The following PTPRG variants were observed in gnomAD, a reference collection of about 807,000 sequenced individuals.
The protein encoded by PTPRG is receptor-type tyrosine-protein phosphatase gamma.
PTPRG carries 102 observed loss-of-function variants against 165.3 expected under a neutral mutation model. The ratio of observed to expected loss-of-function variants is 0.62; its 90% CI spans 0.53 to 0.73. The LOEUF is 0.73. Among genes scored for constraint, PTPRG ranks in the 30% least tolerant of loss-of-function variants. The pLI is 0.00. For missense variants in PTPRG, 1,866 were observed against 1,861.4 expected (o/e 1.00, Z -0.05); for synonymous variants, 675 against 669.5 (o/e 1.01, Z -0.13).
intron 2 of PTPRG, among the ~76,000 whole-genome samples, chr3:61,894,015 G>A (rs62243228): frequency 0.01 from 1,585 of 152,088 alleles, 18 homozygotes; most frequent in South Asian, 0.03. Flanking sequence ...CTGGCACTAA[G>A]TTTACAGGCT....
At chr3:61,919,788 T>C (rs1475990309) in intron 2 of PTPRG, among the ~76,000 whole-genome samples, 1 of 152,198 alleles carries the variant, frequency 6.6e-6, no homozygotes, top group African/African-American at 2.4e-5. Context: ...ATAAAAAAGT[T>C]TCTGGAATTG....
intron 2 of PTPRG, among the ~76,000 whole-genome samples, chr3:61,777,608 G>A (rs1359002804): frequency 1.3e-5 from 2 of 152,086 alleles, no homozygotes; most frequent in South Asian, 2.1e-4. Flanking sequence ...GCAGGGAATC[G>A]GAGACATTTA....
At chr3:61,585,569 AC>A (rs1700416476) in intron 1 of PTPRG, among the ~76,000 whole-genome samples, 1 of 151,952 alleles carries the variant, frequency 6.6e-6, no homozygotes, top group South Asian at 2.1e-4. Context: ...ACATGGCAAA[AC>A]CCTGTCTCTA....
At chr3:61,671,329 G>A (rs538265336) in intron 1 of PTPRG, among the ~76,000 whole-genome samples, 2 of 151,834 alleles carry the variant, frequency 1.3e-5, no homozygotes, top group African/African-American at 2.4e-5. Context: ...AGACTAGGGA[G>A]TGGTGATGAC....
chr3:61,930,661 G>A (rs2039336310), intron 2 of PTPRG, among the ~76,000 whole-genome samples: 5 of 152,284 alleles, frequency 3.3e-5, no homozygotes, highest in South Asian at 2.1e-4. Context: ...GTGGAGTCAA[G>A]CGTCATTGTG....
intron 2 of PTPRG, chr3:61,753,572 T>C (rs2106934952): frequency 2.3e-6 from 1 of 437,752 alleles, no homozygotes; most frequent in African/African-American, 2.1e-5. Flanking sequence ...TAACTTCAAG[T>C]AGAAATTTGA....
chr3:62,027,804 A>G (rs1490883493), intron 4 of PTPRG, among the ~76,000 whole-genome samples: 1 of 152,206 alleles, frequency 6.6e-6, no homozygotes, highest in Non-Finnish European at 1.5e-5. Context: ...ATGATCACCC[A>G]GGAAATGTGT....
At chr3:61,624,933 C>G (rs573575960) in intron 1 of PTPRG, among the ~76,000 whole-genome samples, 1 of 152,182 alleles carries the variant, frequency 6.6e-6, no homozygotes, top group Admixed American at 6.5e-5. Flanking sequence ...AGTCTGAGGT[C>G]AAGGTGTCAG....
intron 1 of PTPRG, among the ~76,000 whole-genome samples, chr3:61,685,937 C>G (rs1290357651): frequency 6.6e-6 from 1 of 152,132 alleles, no homozygotes; most frequent in Non-Finnish European, 1.5e-5. Context: ...TTCTTATTGC[C>G]GTGTTCTCTT....
At chr3:62,161,155 A>G (rs1704745978) in intron 7 of PTPRG, among the ~76,000 whole-genome samples, 1 of 152,172 alleles carries the variant, frequency 6.6e-6, no homozygotes, top group South Asian at 2.1e-4. Flanking sequence ...TGGAATATGT[A>G]TAAAATGCTT....
At chr3:61,653,795 T>G (rs1232764213) in intron 1 of PTPRG, among the ~76,000 whole-genome samples, 1 of 151,024 alleles carries the variant, frequency 6.6e-6, no homozygotes, top group Non-Finnish European at 1.5e-5. Context: ...CCTGTGAGAT[T>G]AGAATTCACC....
rs776812399 is a variant in PTPRG at position 61,562,275 on chromosome 3, T to G, written c.-13T>G. ...CCTCCCTGCTTTCCTCTTTTCGATGTGCGTTTTCGGACATGCGGAGGTTAC... is the reference window on the plus strand; with the variant it reads ...CCTCCCTGCTTTCCTCTTTTCGATGGGCGTTTTCGGACATGCGGAGGTTAC... On this transcript the variant is annotated 5_prime_UTR_variant, in exon 1 of 30. Transcript: ENST00000474889. 35 of 1,612,130 alleles carry G rather than the reference T, an allele frequency of 2.2e-5. No homozygotes were observed. The highest frequency in any genetic ancestry group is 2.8e-5 in the Non-Finnish European group (33 of 1,178,388).
intron 2 of PTPRG, among the ~76,000 whole-genome samples, chr3:61,884,500 G>GA (rs2037974873): frequency 6.6e-6 from 1 of 152,206 alleles, no homozygotes; most frequent in Admixed American, 6.5e-5. Flanking sequence ...CTGCCTAGAA[G>GA]AAAAGACTAT....
At chr3:61,855,724 T>C (rs910412820) in intron 2 of PTPRG, among the ~76,000 whole-genome samples, 7 of 151,274 alleles carry the variant, frequency 4.6e-5, no homozygotes, top group African/African-American at 9.7e-5. Flanking sequence ...ATTTCTCTCT[T>C]AGTACTTCTC....
At chr3:61,577,241 G>T (rs1700190856) in intron 1 of PTPRG, among the ~76,000 whole-genome samples, 1 of 152,226 alleles carries the variant, frequency 6.6e-6, no homozygotes, top group Non-Finnish European at 1.5e-5. Flanking sequence ...GCTGACATCA[G>T]ATAAATTTTA....
At chr3:62,052,369 G>T (rs1384382164) in intron 4 of PTPRG, among the ~76,000 whole-genome samples, 1 of 152,142 alleles carries the variant, frequency 6.6e-6, no homozygotes, top group Non-Finnish European at 1.5e-5. Context: ...TACCAGTTGG[G>T]TAGTACATGA....
chr3:61,820,379 C>G (rs1252652966), intron 2 of PTPRG, among the ~76,000 whole-genome samples: 3 of 152,136 alleles, frequency 2.0e-5, no homozygotes, highest in Non-Finnish European at 4.4e-5. Flanking sequence ...TGAATGGGTA[C>G]CTACCCACAT....
chr3:61,990,693 T>C (rs2040863212), intron 3 of PTPRG, among the ~76,000 whole-genome samples: 1 of 152,198 alleles, frequency 6.6e-6, no homozygotes, highest in Admixed American at 6.5e-5. Context: ...TCTTATTACT[T>C]AACTACTTAT....
chr3:61,793,407 C>T (rs2034949291), intron 2 of PTPRG, among the ~76,000 whole-genome samples: 1 of 152,146 alleles, frequency 6.6e-6, no homozygotes, highest in Admixed American at 6.5e-5. Context: ...GGATGTGTTT[C>T]TCATCCAAAG....
Sources: gnomAD v4.1 joint callset for allele counts (sites outside exome capture counted in the v4.1 genomes callset) on GRCh38, gnomAD v4.1.1 for gene constraint, MANE v1.5 for transcripts, NCBI Gene and HGNC (gene_info 2026-07-23, HGNC 2026-07-21) for gene names.